The following ACAA2 variants were observed in gnomAD, a reference collection of about 807,000 sequenced individuals.
ACAA2 encodes acetyl-CoA acyltransferase 2.
In ACAA2, 35 loss-of-function variants were observed where a neutral mutation model predicts 44.8. The ratio of observed to expected loss-of-function variants is 0.78; its 90% CI spans 0.60 to 1.04. The LOEUF (loss-of-function observed/expected upper bound fraction) is 1.04, where lower values mean the gene tolerates loss of function less well. Ranked by LOEUF, ACAA2 falls within the 50% of genes least tolerant of loss-of-function variation. The pLI, the probability that ACAA2 is intolerant of heterozygous loss-of-function variation, is 0.00. For synonymous variants in ACAA2, 142 were observed against 166.5 expected, an observed-to-expected ratio of 0.85 and a Z score of 1.13; for missense variants, 468 against 482.6, an observed-to-expected ratio of 0.97 and a Z score of 0.28.
At chr18:49,798,324 T>A (rs941430884) in intron 2 of ACAA2, among the ~76,000 whole-genome samples, 1 of 152,076 alleles carries the variant, frequency 6.6e-6, no homozygotes, top group South Asian at 2.1e-4. Flanking sequence ...TCCCAAAACT[T>A]TAAAATGCAT....
chr18:49,809,772 C>A (rs549342687), intron 1 of ACAA2, among the ~76,000 whole-genome samples: 160 of 152,322 alleles, frequency 1.1e-3, no homozygotes, highest in African/African-American at 3.7e-3. Context: ...TGAAATTAAT[C>A]TGCATGACAC....
chr18:49,792,980 A>T (rs1598794313), intron 5 of ACAA2, among the ~76,000 whole-genome samples: 1 of 151,928 alleles, frequency 6.6e-6, no homozygotes. Context: ...TTTAACCACA[A>T]TTTTTTTTCA....
In ACAA2 at chr18:49,791,556, T is replaced by C. The variant is rs1178776527; in HGVS notation, c.797A>G (p.Asp266Gly). ...GAGAVIIASE[D>G]AVKKHNFTPL... ...TGTGAAGTTATGTTTCTTAACAGCATCTTCACTAGCTATGATAACAGCTCC... is the reference window on the plus strand; with the variant it reads ...TGTGAAGTTATGTTTCTTAACAGCACCTTCACTAGCTATGATAACAGCTCC... Residue 266 changes from aspartate to glycine, a missense_variant, in exon 7 of 10, where the codon GAT (aspartate) becomes GGT (glycine). Transcript: ENST00000285093. 1 of 1,613,172 alleles carries C rather than the reference T, an allele frequency of 6.2e-7. No individual in the cohort carries two copies. Among genetic ancestry groups the C allele is most frequent in the African/African-American group, 1.3e-5 (1 of 74,896 alleles).
rs372382497 is a variant in ACAA2, at chr18:49,791,462, A to T, written c.883+8T>A. 9 of 1,609,342 alleles carry T rather than the reference A, an allele frequency of 5.6e-6. No homozygotes were observed. The highest frequency in any genetic ancestry group is 7.6e-6 in the Non-Finnish European group (9 of 1,178,132). On this transcript the variant is annotated splice_region_variant and intron_variant, in intron 7 of 9. Coordinates refer to ENST00000285093, the MANE Select transcript of ACAA2 (RefSeq NM_006111.3). ...TTATAGAACCAGTTTGTTTTACTAT[A>T]AACTTACCAATACCCATGATAGAGG...
At chr18:49,786,773 AT>A (rs2023334601) in intron 8 of ACAA2, among the ~76,000 whole-genome samples, 1 of 152,204 alleles carries the variant, frequency 6.6e-6, no homozygotes, top group African/African-American at 2.4e-5. Flanking sequence ...TTAAAAAGAA[AT>A]CACTCAATAA....
Position 49,783,451 on chromosome 18 carries a change from A to G in ACAA2, c.*396T>C, listed in dbSNP as rs2023289160. ...AGATGGTAAAGTTTATGTAATGTGT[A>G]TCTTATCACAATTTAAAATTTTTAA... On this transcript the variant is annotated 3_prime_UTR_variant, in exon 10 of 10. Transcript: ENST00000285093. The G allele has an allele frequency of 6.1e-6, 1 of 164,402 alleles. No individual in the cohort carries two copies. The highest frequency in any genetic ancestry group is 1.3e-5 in the Non-Finnish European group (1 of 74,480). 10.2% of individuals were successfully genotyped at this position (164,402 alleles called of 1,614,324 possible). A position where few individuals can be genotyped will look rare whatever the true frequency, so the allele number is the denominator to read the frequency against.
intron 2 of ACAA2, among the ~76,000 whole-genome samples, chr18:49,799,287 G>A (rs2023500804): frequency 6.6e-6 from 1 of 151,272 alleles, no homozygotes; most frequent in Admixed American, 6.6e-5. Flanking sequence ...CTGTACTGCT[G>A]CCATCTCGGC....
chr18:49,813,411 T>G, intron 1 of ACAA2, 58 bp downstream of exon 1: 1 of 1,210,974 alleles, frequency 8.3e-7, no homozygotes, highest in Non-Finnish European at 1.0e-6. Flanking sequence ...AGCGGAGGCC[T>G]GGCCTGGGGA....
chr18:49,792,352 A>C, intron 5 of ACAA2, 25 bp from the exon 6 acceptor site: 1 of 1,568,718 alleles, frequency 6.4e-7, no homozygotes, highest in Non-Finnish European at 8.7e-7. Context: ...AGAGACTATC[A>C]TAAGAATAAA....
chr18:49,787,983 C>T (rs1002523799), intron 7 of ACAA2, among the ~76,000 whole-genome samples: 8 of 152,100 alleles, frequency 5.3e-5, no homozygotes, highest in East Asian at 3.8e-4. Flanking sequence ...TGGGAAACTA[C>T]GAGGCACTTC....
intron 1 of ACAA2, among the ~76,000 whole-genome samples, chr18:49,808,620 A>C (rs2023635529): frequency 6.6e-6 from 1 of 152,164 alleles, no homozygotes; most frequent in South Asian, 2.1e-4. Context: ...CAAAACCAGC[A>C]GGTTTTTATT....
At position 49,791,686 on chromosome 18, in the gene ACAA2, T is replaced by C; in HGVS notation, c.754-87A>G. On this transcript the variant is annotated intron_variant, in intron 6 of 9. Coordinates refer to ENST00000285093, the MANE Select transcript of ACAA2 (RefSeq NM_006111.3). ...ACTAATGGACTAGTAGTATTAGGAA[T>C]ATGGCAGTACATAGGAAGCCAGTGC... 7 of 1,391,722 alleles carry C rather than the reference T, an allele frequency of 5.0e-6. No homozygotes were observed. The Admixed American group carries it at 5.4e-5, about 11-fold the overall frequency. The allele number at this position is 1,391,722 out of a possible 1,614,324, so 86.2% of individuals were successfully genotyped here.
intron 2 of ACAA2, among the ~76,000 whole-genome samples, chr18:49,800,364 C>T (rs1464577945): frequency 6.6e-6 from 1 of 152,100 alleles, no homozygotes; most frequent in Non-Finnish European, 1.5e-5. Context: ...TGAGGAGCCC[C>T]TCTGCCCGGC....
chr18:49,810,775 C>A (rs1198868051), intron 1 of ACAA2, among the ~76,000 whole-genome samples: 1 of 151,684 alleles, frequency 6.6e-6, no homozygotes, highest in African/African-American at 2.4e-5. Context: ...GCAGCCTCAA[C>A]CTCCTGGGCT....
intron 1 of ACAA2, among the ~76,000 whole-genome samples, chr18:49,809,638 T>C (rs1476442627): frequency 6.6e-6 from 1 of 152,224 alleles, no homozygotes; most frequent in Non-Finnish European, 1.5e-5. Context: ...GGCCATATAC[T>C]GTATGATTCC....
intron 7 of ACAA2, among the ~76,000 whole-genome samples, chr18:49,789,320 C>T (rs546271875): frequency 2.6e-5 from 4 of 152,088 alleles, no homozygotes; most frequent in Non-Finnish European, 5.9e-5. Context: ...ACTTATTCTC[C>T]CCACTTATTC....
chr18:49,808,253 G>A (rs181678223), intron 1 of ACAA2, among the ~76,000 whole-genome samples: 50 of 152,248 alleles, frequency 3.3e-4, no homozygotes, highest in Admixed American at 3.1e-3. Flanking sequence ...ACTGCTGGTG[G>A]GAATGCAAAT....
chr18:49,797,430 A>C, intron 3 of ACAA2, 36 bp downstream of exon 3: 1 of 1,580,448 alleles, frequency 6.3e-7, no homozygotes, highest in South Asian at 1.1e-5. Context: ...AACTATTAAC[A>C]TATTTTCAGA....
At chr18:49,798,771 TTA>T (rs1467092231) in intron 2 of ACAA2, among the ~76,000 whole-genome samples, 2 of 152,142 alleles carry the variant, frequency 1.3e-5, no homozygotes, top group African/African-American at 2.4e-5. Flanking sequence ...TGAGATGAAA[TTA>T]TCTTATTTTA....
Sources: gnomAD v4.1 joint callset for allele counts (sites outside exome capture counted in the v4.1 genomes callset) on GRCh38, gnomAD v4.1.1 for gene constraint, MANE v1.5 for transcripts, NCBI Gene and HGNC (gene_info 2026-07-23, HGNC 2026-07-21) for gene names.